The following CTDSPL variants were observed in gnomAD, a reference collection of about 807,000 sequenced individuals.
CTDSPL encodes the protein CTD small phosphatase like, also known as CTD small phosphatase-like protein.
A neutral mutation model predicts 30.5 loss-of-function variants in CTDSPL; 8 were observed. That is an observed-to-expected ratio of 0.26 (90% CI 0.15 to 0.47). The LOEUF (loss-of-function observed/expected upper bound fraction) is 0.47, where lower values mean the gene tolerates loss of function less well. CTDSPL is among the 20% of genes least tolerant of loss of function. The probability of loss-of-function intolerance (pLI) is 0.99; values close to 1 mark genes in which losing one functional copy is unlikely to be tolerated. For synonymous variants in CTDSPL, 110 were observed against 137.9 expected (o/e 0.80, Z 1.42); for missense variants, 248 against 366.1 (o/e 0.68, Z 2.63).
chr3:37,887,279 C>G (rs1698274069), intron 1 of CTDSPL, among the ~76,000 whole-genome samples: 1 of 152,162 alleles, frequency 6.6e-6, no homozygotes, highest in Non-Finnish European at 1.5e-5. Flanking sequence ...GTGTGGATGC[C>G]TAGCCTCTGT....
intron 6 of CTDSPL, among the ~76,000 whole-genome samples, chr3:37,973,282 C>A (rs1256497257): frequency 6.6e-6 from 1 of 152,166 alleles, no homozygotes; most frequent in Non-Finnish European, 1.5e-5. Flanking sequence ...TGCTGAAGGG[C>A]CTGAAGTAAT....
chr3:37,935,102 C>G (rs1474093091), intron 1 of CTDSPL, among the ~76,000 whole-genome samples: 1 of 152,228 alleles, frequency 6.6e-6, no homozygotes, highest in Non-Finnish European at 1.5e-5. Flanking sequence ...AGTGTTCCCT[C>G]CAGTTGCTAT....
chr3:37,875,577 C>G (rs888872170), intron 1 of CTDSPL, among the ~76,000 whole-genome samples: 8 of 152,190 alleles, frequency 5.3e-5, no homozygotes, highest in African/African-American at 1.9e-4. Context: ...AGAATTCATA[C>G]TGTACTTTAA....
chr3:37,934,443 T>C (rs569861205), intron 1 of CTDSPL, among the ~76,000 whole-genome samples: 2 of 152,350 alleles, frequency 1.3e-5, no homozygotes, highest in South Asian at 4.1e-4. Flanking sequence ...ACTAGATTTT[T>C]CCCATAATAA....
chr3:37,884,276 A>G (rs1285669751), intron 1 of CTDSPL, among the ~76,000 whole-genome samples: 1 of 152,228 alleles, frequency 6.6e-6, no homozygotes, highest in South Asian at 2.1e-4. Flanking sequence ...CAAGGGACAT[A>G]TCGTTAGTTA....
chr3:37,938,330 C>T lies in CTDSPL; in HGVS notation c.80-8727C>T, dbSNP rs1021832744. On this transcript the variant is annotated intron_variant, in intron 1 of 7. Coordinates refer to ENST00000273179, the MANE Select transcript of CTDSPL (RefSeq NM_001008392.2). ...TTAAGGATGGTTCCAAAGCCTCCCC[C>T]GTCTTGAATCTAAACCAGATCAGAA... Among the ~76,000 whole-genome samples, 4 of 149,954 alleles carry T rather than the reference C, an allele frequency of 2.7e-5. 2 individuals are homozygous for T. Among genetic ancestry groups the T allele is most frequent in the East Asian group, 3.9e-4 (2 of 5,120 alleles).
In CTDSPL at chr3:37,968,201, C is replaced by T. The variant is rs573457989; in HGVS notation, c.426+319C>T. ...ATTAACTTCCTTGTGTAATTGCTTT[C>T]GGCTACTCTCCTAGCAGGCAACAGG... On this transcript the variant is annotated intron_variant, in intron 5 of 7. Transcript: ENST00000273179. The T allele has an allele frequency of 1.1e-4, 53 of 463,070 alleles. 3 individuals are homozygous for T. Among genetic ancestry groups the T allele is most frequent in the South Asian group, 8.1e-4 (48 of 59,154 alleles). 28.7% of individuals were successfully genotyped at this position (463,070 alleles called of 1,614,324 possible). A position where few individuals can be genotyped will look rare whatever the true frequency, so the allele number is the denominator to read the frequency against.
In CTDSPL at chr3:37,925,840, GAC is replaced by G. The variant is rs143893590; in HGVS notation, c.80-21194_80-21193del. Among the ~76,000 whole-genome samples the G allele has an allele frequency of 7.3e-4, 108 of 147,320 alleles. 1 individual carries two copies. The highest frequency in any genetic ancestry group is 3.5e-3 in the Middle Eastern group (1 of 286). On this transcript the variant is annotated intron_variant, in intron 1 of 7. Transcript: ENST00000273179. ...GGGTGACAGTTCTCCAGTACACACA[GAC>G]ACACACACACACACACACACACCAC...
At chr3:37,900,004 C>T (rs545179358) in intron 1 of CTDSPL, among the ~76,000 whole-genome samples, 61 of 152,284 alleles carry the variant, frequency 4.0e-4, no homozygotes, top group African/African-American at 1.5e-3. Flanking sequence ...TCCATTTTCC[C>T]TGTGAGAAGA....
intron 1 of CTDSPL, among the ~76,000 whole-genome samples, chr3:37,942,676 C>G (rs186252943): frequency 1.3e-5 from 2 of 150,282 alleles, no homozygotes; most frequent in East Asian, 2.0e-4. Context: ...AGTGCTTGCT[C>G]TATGCTAGGC....
intron 1 of CTDSPL, among the ~76,000 whole-genome samples, chr3:37,893,060 T>C (rs1246030114): frequency 6.6e-6 from 1 of 152,200 alleles, no homozygotes; most frequent in African/African-American, 2.4e-5. Context: ...GGGACAAACA[T>C]AGACTGTTCC....
chr3:37,897,951 C>A (rs1698407233), intron 1 of CTDSPL, among the ~76,000 whole-genome samples: 1 of 152,268 alleles, frequency 6.6e-6, no homozygotes, highest in Middle Eastern at 3.4e-3. Context: ...CTAGAGAGCT[C>A]TGTCATAGAG....
intron 1 of CTDSPL, among the ~76,000 whole-genome samples, chr3:37,866,784 A>G (rs183454246): frequency 3.2e-4 from 48 of 152,352 alleles, no homozygotes; most frequent in African/African-American, 1.0e-3. Context: ...CAGAAACTTT[A>G]AGCTTTGGGC....
At chr3:37,895,836 A>G (rs1416117621) in intron 1 of CTDSPL, among the ~76,000 whole-genome samples, 1 of 152,188 alleles carries the variant, frequency 6.6e-6, no homozygotes, top group South Asian at 2.1e-4. Flanking sequence ...GTGAATGTAC[A>G]CTTAAGATTT....
intron 1 of CTDSPL, among the ~76,000 whole-genome samples, chr3:37,888,020 G>C (rs1029707037): frequency 1.3e-5 from 2 of 152,214 alleles, no homozygotes; most frequent in Admixed American, 6.5e-5. Context: ...AGCCAAAGGT[G>C]GGGGAGAGGG....
chr3:37,927,501 C>T (rs558649559), intron 1 of CTDSPL, among the ~76,000 whole-genome samples: 92 of 151,980 alleles, frequency 6.1e-4, no homozygotes, highest in Non-Finnish European at 9.0e-4. Flanking sequence ...CTTCAGGGTA[C>T]CATGTGTGAT....
rs193301844 is a variant in CTDSPL at position 37,977,382 on chromosome 3, C to T, written c.705+1488C>T. 5.9e-5 allele frequency among the ~76,000 whole-genome samples: 9 copies of T among 152,244 alleles called. No homozygotes were observed. In the South Asian group the frequency reaches 6.2e-4, roughly 11 times the overall value. ...TCTTCATTCTTTTGCAATCTTAACACGTCTCCCTTTCCTCCCCTTTTCTCT... is the reference window on the plus strand; with the variant it reads ...TCTTCATTCTTTTGCAATCTTAACATGTCTCCCTTTCCTCCCCTTTTCTCT... On this transcript the variant is annotated intron_variant, in intron 7 of 7. Transcript: ENST00000273179.
chr3:37,899,348 A>G (rs2125600379), intron 1 of CTDSPL, among the ~76,000 whole-genome samples: 1 of 152,340 alleles, frequency 6.6e-6, no homozygotes, highest in East Asian at 1.9e-4. Flanking sequence ...GCCAGAGATC[A>G]TAGGAAATCT....
At chr3:37,940,087 G>T (rs141732276) in intron 1 of CTDSPL, among the ~76,000 whole-genome samples, 1 of 149,454 alleles carries the variant, frequency 6.7e-6, no homozygotes, top group Admixed American at 6.7e-5. Context: ...GCAAGACTCC[G>T]TCTCAAAAAA....
Sources: allele counts gnomAD v4.1 joint callset (sites outside exome capture counted in the v4.1 genomes callset), GRCh38; gene constraint gnomAD v4.1.1; transcripts MANE v1.5; gene names NCBI Gene and HGNC (gene_info 2026-07-23, HGNC 2026-07-21).